SLC36A4: variants seen among roughly 807,000 people sequenced by gnomAD.
SLC36A4 encodes neutral amino acid uniporter 4.
SLC36A4 carries 49 observed loss-of-function variants against 50.5 expected under a neutral mutation model. The ratio of observed to expected loss-of-function variants is 0.97; its 90% CI spans 0.77 to 1.23. The LOEUF (loss-of-function observed/expected upper bound fraction) is 1.23, where lower values mean the gene tolerates loss of function less well. SLC36A4 is among the 50% of genes most tolerant of loss of function. The pLI is 0.00. For missense variants in SLC36A4, 611 were observed against 608.4 expected (o/e 1.00, Z -0.05); for synonymous variants, 207 against 206.5 (o/e 1.00, Z -0.02).
intron 8 of SLC36A4, among the ~76,000 whole-genome samples, chr11:93,164,092 G>A (rs1860754418): frequency 6.6e-6 from 1 of 152,112 alleles, no homozygotes; most frequent in South Asian, 2.1e-4. Flanking sequence ...TAGAAATGAA[G>A]ATCTGGTATT....
At chr11:93,151,328 C>G (rs1288437929) in intron 10 of SLC36A4, among the ~76,000 whole-genome samples, 1 of 151,860 alleles carries the variant, frequency 6.6e-6, no homozygotes, top group Non-Finnish European at 1.5e-5. Context: ...TTTACCAAAA[C>G]TATATATAGC....
intron 1 of SLC36A4, among the ~76,000 whole-genome samples, chr11:93,189,151 C>T (rs1862109915): frequency 6.6e-6 from 1 of 151,896 alleles, no homozygotes. Context: ...CAATCTCTGC[C>T]CCGCCAAGTT....
At chr11:93,172,996 T>C (rs1214316441) in intron 6 of SLC36A4, among the ~76,000 whole-genome samples, 5 of 149,094 alleles carry the variant, frequency 3.4e-5, no homozygotes, top group Non-Finnish European at 7.5e-5. Flanking sequence ...GTATTTCCAG[T>C]TCTAGATCCC....
chr11:93,188,739 A>G (rs1294809934), intron 1 of SLC36A4, among the ~76,000 whole-genome samples: 1 of 152,172 alleles, frequency 6.6e-6, no homozygotes, highest in Non-Finnish European at 1.5e-5. Context: ...CTTTTCTGTT[A>G]TACTCTATAC....
chr11:93,149,727 G>A (rs1379916065), intron 10 of SLC36A4, among the ~76,000 whole-genome samples: 3 of 152,054 alleles, frequency 2.0e-5, no homozygotes, highest in Non-Finnish European at 4.4e-5. Context: ...GAGTATGACA[G>A]CTAAATTCAA....
At chr11:93,162,154 T>C (rs1860645853) in intron 9 of SLC36A4, among the ~76,000 whole-genome samples, 1 of 152,142 alleles carries the variant, frequency 6.6e-6, no homozygotes, top group African/African-American at 2.4e-5. Flanking sequence ...CATATTAAAA[T>C]AATCCCTGTT....
chr11:93,168,298 AAT>A, intron 6 of SLC36A4, 127 bp from the exon 7 acceptor site: 1 of 472,116 alleles, frequency 2.1e-6, no homozygotes, highest in Non-Finnish European at 3.7e-6. Flanking sequence ...TATATTTTAA[AAT>A]ATTTACATTT....
At chr11:93,156,437 T>G (rs12222698) in intron 9 of SLC36A4, among the ~76,000 whole-genome samples, 159 of 151,912 alleles carry the variant, frequency 1.0e-3, no homozygotes, top group East Asian at 8.1e-3. Flanking sequence ...TCTTTTTTTT[T>G]GGGGTGGAGT....
chr11:93,184,292 C>A, intron 3 of SLC36A4, 138 bp downstream of exon 3: 5 of 671,078 alleles, frequency 7.5e-6, no homozygotes, highest in Non-Finnish European at 1.1e-5. Context: ...ACAGTTGACA[C>A]AATTTTATCA....
At position 93,148,565 on chromosome 11, in the gene SLC36A4, G is replaced by A. The variant is rs758755836; in HGVS notation, c.1487C>T (p.Ser496Leu). ...TPQSPFLNLN[S>L]TCLTSGLK ...TTTCAAACCAGATGTTAAGCATGTT[G>A]AATTCAAATTTAGAAAAGGACTCTG... The change falls in exon 11 of 11, where the codon TCA (serine) becomes TTA (leucine). Residue 496 changes from serine (S) to leucine (L), a missense_variant. Ser to Leu is a moderately radical substitution (Grantham distance 145, BLOSUM62 -2). Transcript: ENST00000326402. The A allele has an allele frequency of 1.9e-6, 3 of 1,610,942 alleles. No homozygotes were observed. The African/African-American group carries it at 4.0e-5, about 22-fold the overall frequency.
chr11:93,183,256 C>T (rs181568219), intron 3 of SLC36A4, among the ~76,000 whole-genome samples: 6 of 152,278 alleles, frequency 3.9e-5, no homozygotes, highest in East Asian at 1.9e-4. Flanking sequence ...ATCCCGAAAA[C>T]GCACAATATC....
rs1183023409 is a variant in SLC36A4, at chr11:93,193,509, CTATT to C, written c.55+4265_55+4268del. Among the ~76,000 whole-genome samples, 5 of 152,170 alleles carry C rather than the reference CTATT, an allele frequency of 3.3e-5. No individual in the cohort carries two copies. In the South Asian group the frequency reaches 8.3e-4, roughly 25 times the overall value. On this transcript the variant is annotated intron_variant, in intron 1 of 10. Coordinates refer to ENST00000326402, the MANE Select transcript of SLC36A4 (RefSeq NM_152313.4). Reference sequence around the variant, plus strand: ...CACTATTAAGGAATAGGTGTGCTATCTATTTATGAGTGGAGAAATTATATATAAA... The same window carrying C: ...CACTATTAAGGAATAGGTGTGCTATCTATGAGTGGAGAAATTATATATAAA...
chr11:93,169,021 C>T (rs1861011529), intron 6 of SLC36A4, among the ~76,000 whole-genome samples: 1 of 151,980 alleles, frequency 6.6e-6, no homozygotes, highest in Admixed American at 6.6e-5. Context: ...AATACTATAA[C>T]TAGAATACCA....
chr11:93,160,494 T>A (rs1409282590), intron 9 of SLC36A4: 12 of 985,202 alleles, frequency 1.2e-5, no homozygotes, highest in Non-Finnish European at 1.3e-5. Context: ...AGGAATAAGG[T>A]CAGATGTAGA....
intron 1 of SLC36A4, among the ~76,000 whole-genome samples, chr11:93,194,714 C>T (rs556505845): frequency 6.6e-6 from 1 of 152,278 alleles, no homozygotes; most frequent in South Asian, 2.1e-4. Context: ...CACAGGCACA[C>T]ACACATACAC....
intron 10 of SLC36A4, among the ~76,000 whole-genome samples, chr11:93,151,535 T>G (rs1437320229): frequency 6.6e-6 from 1 of 152,050 alleles, no homozygotes; most frequent in Non-Finnish European, 1.5e-5. Context: ...AAATAGTTAA[T>G]GGTGCTCTCC....
intron 9 of SLC36A4, among the ~76,000 whole-genome samples, chr11:93,158,753 T>C (rs542460766): frequency 2.0e-5 from 3 of 152,276 alleles, no homozygotes; most frequent in Admixed American, 2.0e-4. Flanking sequence ...ATTTTGGTTT[T>C]AAGCAGCATC....
chr11:93,154,247 G>T lies in SLC36A4; in HGVS notation c.1068C>A (p.Ser356=). The T allele has an allele frequency of 6.8e-7, 1 of 1,469,304 alleles. No homozygotes were observed. Among genetic ancestry groups the T allele is most frequent in the Non-Finnish European group, 9.0e-7 (1 of 1,105,046 alleles). 91.0% of individuals were successfully genotyped at this position (1,469,304 alleles called of 1,614,324 possible). A position where few individuals can be genotyped will look rare whatever the true frequency, so the allele number is the denominator to read the frequency against. The change falls in exon 10 of 11, where the codon TCC becomes TCA. Residue 356 remains serine (S), a synonymous_variant. Transcript: ENST00000326402. ...WLYQSVKILY[S]FGIFVTYSIQ... ...TTGAATATGTCACAAAAATGCCAAA[G>T]GAATATAGAATTTTCACTGATTGAT... is the stretch of plus-strand genomic sequence containing the variant.
chr11:93,184,619 G>C, intron 2 of SLC36A4, 99 bp from the exon 3 acceptor site: 1 of 706,892 alleles, frequency 1.4e-6, no homozygotes, highest in Non-Finnish European at 2.4e-6. Flanking sequence ...AATTAATCTA[G>C]GCAAGGAACC....
Sources: allele counts gnomAD v4.1 joint callset (sites outside exome capture counted in the v4.1 genomes callset), GRCh38; gene constraint gnomAD v4.1.1; transcripts MANE v1.5; gene names NCBI Gene and HGNC (gene_info 2026-07-23, HGNC 2026-07-21).